SEC63: variants seen among roughly 807,000 people sequenced by gnomAD.
SEC63 encodes SEC63 protein translocation regulator.
Under a neutral mutation model 116.2 loss-of-function variants are expected in SEC63, and 56 were observed. The ratio of observed to expected loss-of-function variants is 0.48; its 90% confidence interval spans 0.39 to 0.60. The LOEUF (loss-of-function observed/expected upper bound fraction) is 0.60, where lower values mean the gene tolerates loss of function less well. SEC63 is among the 20% of genes least tolerant of loss of function. The pLI is 0.00. For synonymous variants in SEC63, 273 were observed against 294.6 expected, an observed-to-expected ratio of 0.93 and a Z score of 0.75; for missense variants, 668 against 900.0, an observed-to-expected ratio of 0.74 and a Z score of 3.30.
intron 1 of SEC63, among the ~76,000 whole-genome samples, chr6:107,936,389 A>C (rs1406947659): frequency 6.6e-6 from 1 of 152,236 alleles, no homozygotes; most frequent in Non-Finnish European, 1.5e-5. Context: ...GAATGACCTC[A>C]AGTCAAAGTA....
intron 16 of SEC63, among the ~76,000 whole-genome samples, chr6:107,890,300 T>G (rs1786650297): frequency 1.3e-5 from 2 of 152,228 alleles, no homozygotes; most frequent in African/African-American, 4.8e-5. Flanking sequence ...TCTTGTTGCA[T>G]TGATCCCTTT....
chr6:107,943,613 T>C (rs1397730881), intron 1 of SEC63, among the ~76,000 whole-genome samples: 1 of 152,106 alleles, frequency 6.6e-6, no homozygotes, highest in African/African-American at 2.4e-5. Context: ...TAAGAAACAC[T>C]ACAATTTAAA....
Position 107,883,029 on chromosome 6 carries a change from CAG to C in SEC63, c.1790_1791del (p.Ser597Ter). Reference sequence around the variant, plus strand: ...TTTTGTTTTTCATCTTGCTCTCTATCAGAGTCTCTGTCACTACCATCATCTTT... The same window carrying C: ...TTTTGTTTTTCATCTTGCTCTCTATCAGTCTCTGTCACTACCATCATCTTT... ...SEKDDGSDRD[S>X]DREQDEKQNK... On this transcript the variant is annotated frameshift_variant, in exon 17 of 21. Coordinates refer to ENST00000369002, the MANE Select transcript of SEC63 (RefSeq NM_007214.5). LOFTEE classifies it high-confidence loss of function. 6.2e-7 allele frequency: 1 copy of C among 1,612,708 alleles called. No individual in the cohort carries two copies. The highest frequency in any genetic ancestry group is 8.5e-7 in the Non-Finnish European group (1 of 1,179,458).
chr6:107,934,141 A>T (rs1003221088), intron 1 of SEC63, among the ~76,000 whole-genome samples: 21 of 150,416 alleles, frequency 1.4e-4, no homozygotes, highest in African/African-American at 5.1e-4. Context: ...CCCCGCCGCC[A>T]CCCCGTCTGG....
intron 16 of SEC63, among the ~76,000 whole-genome samples, chr6:107,886,066 T>A (rs544874899): frequency 6.6e-6 from 1 of 152,258 alleles, no homozygotes; most frequent in South Asian, 2.1e-4. Flanking sequence ...TGTCCATGTG[T>A]TCTCATTGTT....
At chr6:107,954,481 T>TAAAAAAAAAAAAAAAAAAAAAAAA (rs1562345005) in intron 1 of SEC63, 3 of 14,000 alleles carry the variant, frequency 2.1e-4, no homozygotes, top group South Asian at 2.2e-3. Context: ...AAAAAAAAAA[T>TAAAAAAAAAAAAAAAAAAAAAAAA]CAAAAAAAAA....
chr6:107,894,543 T>TA (rs1289959180), intron 14 of SEC63, among the ~76,000 whole-genome samples: 2 of 151,916 alleles, frequency 1.3e-5, no homozygotes, highest in Admixed American at 1.3e-4. Flanking sequence ...CTACATATCC[T>TA]AAAGCTATAT....
At chr6:107,908,578 CACTT>C (rs770580053) in intron 8 of SEC63, among the ~76,000 whole-genome samples, 16 of 152,074 alleles carry the variant, frequency 1.1e-4, no homozygotes, top group Non-Finnish European at 1.8e-4. Flanking sequence ...AAACAGCACT[CACTT>C]ACGAGAACAC....
At chr6:107,890,603 CT>C (rs1295931401) in intron 16 of SEC63, among the ~76,000 whole-genome samples, 1 of 152,058 alleles carries the variant, frequency 6.6e-6, no homozygotes, top group African/African-American at 2.4e-5. Flanking sequence ...GAATTTGATC[CT>C]GCCATTATGA....
rs1787329721 is a variant in SEC63, at chr6:107,913,350, T to G, written c.514+16A>C. The G allele has an allele frequency of 2.6e-6, 4 of 1,518,220 alleles. No homozygotes were observed. The highest frequency in any genetic ancestry group is 3.7e-6 in the Non-Finnish European group (4 of 1,092,922). 94.0% of individuals were successfully genotyped at this position (1,518,220 alleles called of 1,614,324 possible). Reference sequence around the variant, plus strand: ...ATACCATATCGCCAATATTTTAAAATCATCATTTACCACACCTTGAGGCCC... The same window carrying G: ...ATACCATATCGCCAATATTTTAAAAGCATCATTTACCACACCTTGAGGCCC... On this transcript the variant is annotated intron_variant, in intron 5 of 20. Coordinates refer to ENST00000369002, the MANE Select transcript of SEC63 (RefSeq NM_007214.5).
chr6:107,908,344 TC>T (rs200623075), intron 8 of SEC63, among the ~76,000 whole-genome samples: 1 of 147,492 alleles, frequency 6.8e-6, no homozygotes, highest in South Asian at 2.2e-4. Flanking sequence ...GTATTTTTTT[TC>T]TTAAATTTTT....
At chr6:107,938,317 C>T (rs112803899) in intron 1 of SEC63, among the ~76,000 whole-genome samples, 4 of 149,278 alleles carry the variant, frequency 2.7e-5, no homozygotes, top group African/African-American at 1.0e-4. Context: ...GTGGTGCCAT[C>T]ACGGTTCACT....
Position 107,871,482 on chromosome 6 carries a change from A to G in SEC63, c.*222T>C. The G allele has an allele frequency of 1.8e-6, 1 of 568,212 alleles. No individual in the cohort carries two copies. The highest frequency in any genetic ancestry group is 3.2e-6 in the Non-Finnish European group (1 of 316,170). 35.2% of individuals were successfully genotyped at this position (568,212 alleles called of 1,614,324 possible). On this transcript the variant is annotated 3_prime_UTR_variant, in exon 21 of 21. Transcript: ENST00000369002. The stretch of plus-strand genomic sequence containing the variant: ...TTTATTATCATTTGCAGATGAAATA[A>G]ATGTACCATCCCCTACTTGAAAGGT...
In SEC63 at chr6:107,876,554, TG is replaced by T; in HGVS notation, c.2034+9del. ...TGTTAAACACTGAAATCATGTTGCT[TG>T]ATAGTTACCTCCTCTGTATCTTTCA... On this transcript the variant is annotated intron_variant, in intron 19 of 20. Coordinates refer to ENST00000369002, the MANE Select transcript of SEC63 (RefSeq NM_007214.5). 2.6e-6 allele frequency: 4 copies of T among 1,516,660 alleles called. No individual in the cohort carries two copies. In the South Asian group the frequency reaches 4.5e-5, roughly 17 times the overall value. 94.0% of individuals were successfully genotyped at this position (1,516,660 alleles called of 1,614,324 possible).
chr6:107,925,495 ATAGT>A (rs1787654988), intron 2 of SEC63, among the ~76,000 whole-genome samples: 1 of 152,250 alleles, frequency 6.6e-6, no homozygotes. Context: ...TAGCCAATAA[ATAGT>A]TATAGAAGGA....
chr6:107,939,255 C>A (rs2064200), intron 1 of SEC63, among the ~76,000 whole-genome samples: 117,731 of 152,066 alleles, frequency 0.77, 46,767 homozygotes, highest in South Asian at 0.9. Flanking sequence ...TGCAGTTCAG[C>A]CTGGCAATGG....
rs778885262 is a variant in SEC63, at chr6:107,870,751, C to T, written c.*953G>A. 2.6e-5 allele frequency: 4 copies of T among 152,114 alleles called. No individual in the cohort carries two copies. Among genetic ancestry groups the T allele is most frequent in the Admixed American group, 2.6e-4 (4 of 15,264 alleles). 9.4% of individuals were successfully genotyped at this position (152,114 alleles called of 1,614,324 possible). A position where few individuals can be genotyped will look rare whatever the true frequency, so the allele number is the denominator to read the frequency against. ...TGTCCTGATAGTAAAAAGACACACA[C>T]CATTGAAACATAAAACGAGTCAACA... On this transcript the variant is annotated 3_prime_UTR_variant, in exon 21 of 21. Transcript: ENST00000369002.
intron 18 of SEC63, chr6:107,876,888 T>C (rs1786288027): frequency 1.0e-5 from 5 of 499,310 alleles, no homozygotes; most frequent in South Asian, 7.0e-5. Flanking sequence ...GGGATTTCAA[T>C]AGCTCCTTAA....
Position 107,902,872 on chromosome 6 carries a change from T to G in SEC63, c.1181A>C (p.Asn394Thr). Residue 394 changes from asparagine (N) to threonine (T), a missense_variant, in exon 12 of 21, where the codon AAT becomes ACT. Coordinates refer to ENST00000369002, the MANE Select transcript of SEC63 (RefSeq NM_007214.5). ...LLQLPHIEED[N>T]LRRVSNHKKY... ...CTTATGATTAGAAACCCGTCTAAGA[T>G]TGTCCTCTTCAATATGAGGGAGCTG... 6.2e-6 allele frequency: 10 copies of G among 1,614,034 alleles called. No homozygotes were observed. Among genetic ancestry groups the G allele is most frequent in the Non-Finnish European group, 8.5e-6 (10 of 1,179,924 alleles).
Sources: allele counts gnomAD v4.1 joint callset (sites outside exome capture counted in the v4.1 genomes callset), GRCh38; gene constraint gnomAD v4.1.1; transcripts MANE v1.5; gene names NCBI Gene and HGNC (gene_info 2026-07-23, HGNC 2026-07-21).